The following CRY1 variants were observed in gnomAD, a reference collection of about 807,000 sequenced individuals.
CRY1 encodes cryptochrome-1.
CRY1 carries 45 observed loss-of-function variants against 76.0 expected under a neutral mutation model. The observed-to-expected ratio is 0.59, with a 90% CI of 0.47 to 0.76. The LOEUF is 0.76. Ranked by LOEUF, CRY1 falls within the 30% of genes least tolerant of loss-of-function variation. The pLI, the probability that CRY1 is intolerant of heterozygous loss-of-function variation, is 0.00. For missense variants in CRY1, 587 were observed against 716.4 expected, an observed-to-expected ratio of 0.82 and a Z score of 2.06; for synonymous variants, 248 against 244.0, an observed-to-expected ratio of 1.02 and a Z score of -0.15.
chr12:106,997,240 T>C, intron 10 of CRY1, 54 bp downstream of exon 10: 3 of 1,414,252 alleles, frequency 2.1e-6, no homozygotes, highest in Non-Finnish European at 3.0e-6. Flanking sequence ...AACAAATATA[T>C]TTGTTTAATA....
rs1375803901 is a variant in CRY1, at chr12:107,086,120, T to G, written c.158+6684A>C. ...CCTAGGACTTTGTAAAAGGCTGAACTTAAGAGTAATGACTTAAGCTACCTG... is the reference window on the plus strand; with the variant it reads ...CCTAGGACTTTGTAAAAGGCTGAACGTAAGAGTAATGACTTAAGCTACCTG... On this transcript the variant is annotated intron_variant, in intron 1 of 12. Transcript: ENST00000008527. Among the ~76,000 whole-genome samples, 4 of 152,136 alleles carry G rather than the reference T, an allele frequency of 2.6e-5. No homozygotes were observed. The South Asian group carries it at 8.3e-4, about 32-fold the overall frequency.
intron 1 of CRY1, among the ~76,000 whole-genome samples, chr12:107,074,497 T>C (rs938380331): frequency 7.9e-5 from 12 of 152,202 alleles, no homozygotes; most frequent in Non-Finnish European, 1.5e-4. Context: ...AATTCTCTTT[T>C]TTTTAAATAG....
intron 1 of CRY1, among the ~76,000 whole-genome samples, chr12:107,068,902 T>C (rs933855652): frequency 6.6e-6 from 1 of 152,214 alleles, no homozygotes; most frequent in African/African-American, 2.4e-5. Flanking sequence ...CATGTTGTAG[T>C]ATCTCATTTC....
Position 107,043,647 on chromosome 12 carries a change from C to T in CRY1, c.159-21455G>A, listed in dbSNP as rs550026445. Among the ~76,000 whole-genome samples the T allele has an allele frequency of 2.6e-5, 4 of 152,278 alleles. No individual in the cohort carries two copies. The East Asian group carries it at 5.8e-4, about 22-fold the overall frequency. ...GCTTCTGTGGAGCTGGACTAGCTAC[C>T]TAGAGTGTGAGTTGCTGAGATACCC... On this transcript the variant is annotated intron_variant, in intron 1 of 12. Transcript: ENST00000008527.
chr12:107,051,882 C>A (rs7309954), intron 1 of CRY1, among the ~76,000 whole-genome samples: 1 of 151,768 alleles, frequency 6.6e-6, no homozygotes, highest in Non-Finnish European at 1.5e-5. Flanking sequence ...ATCAGCAGAA[C>A]ATCTACTTGG....
intron 1 of CRY1, chr12:107,043,174 C>G (rs556217862): frequency 3.9e-5 from 6 of 152,240 alleles, no homozygotes; most frequent in African/African-American, 1.4e-4. Context: ...GCCAAGCTTC[C>G]TTTCCTGTGG....
chr12:107,068,371 A>T (rs1234962094), intron 1 of CRY1, among the ~76,000 whole-genome samples: 1 of 152,084 alleles, frequency 6.6e-6, no homozygotes, highest in Non-Finnish European at 1.5e-5. Flanking sequence ...GATCTTGGCT[A>T]ACTGCAACCT....
intron 10 of CRY1, among the ~76,000 whole-genome samples, chr12:106,995,634 C>A (rs1243389144): frequency 6.6e-6 from 1 of 151,952 alleles, no homozygotes; most frequent in African/African-American, 2.4e-5. Flanking sequence ...GTATAGATTT[C>A]TTTTTTCTTT....
At chr12:107,059,109 T>C (rs1188302320) in intron 1 of CRY1, among the ~76,000 whole-genome samples, 1 of 152,194 alleles carries the variant, frequency 6.6e-6, no homozygotes, top group East Asian at 1.9e-4. Flanking sequence ...GTGTTTGGTG[T>C]ATGTAACTAA....
At chr12:107,026,769 GTTT>G (rs66881305) in intron 1 of CRY1, among the ~76,000 whole-genome samples, 67,181 of 134,064 alleles carry the variant, frequency 0.5, 16,745 homozygotes, top group East Asian at 0.7. Context: ...AATAATTCCT[GTTT>G]TTTTTTTTTT....
In CRY1 at chr12:107,044,609, GAC is replaced by G. The variant is rs556238614; in HGVS notation, c.159-22419_159-22418del. Among the ~76,000 whole-genome samples, 34 of 152,206 alleles carry G rather than the reference GAC, an allele frequency of 2.2e-4. 1 individual carries two copies. The East Asian group carries it at 5.8e-3, about 26-fold the overall frequency. ...AGACATCAATGCAGGGACCAATACA[GAC>G]AGACTATTCAATGAAATCAGGAAAA... On this transcript the variant is annotated intron_variant, in intron 1 of 12. Transcript: ENST00000008527.
intron 1 of CRY1, chr12:107,050,240 G>A (rs927162526): frequency 6.6e-6 from 1 of 152,188 alleles, no homozygotes; most frequent in Non-Finnish European, 1.5e-5. Flanking sequence ...GGGAAGTTTG[G>A]AAGAAGGAAG....
intron 1 of CRY1, among the ~76,000 whole-genome samples, chr12:107,046,176 C>G (rs955649863): frequency 5.9e-5 from 9 of 151,524 alleles, no homozygotes; most frequent in Non-Finnish European, 1.3e-4. Flanking sequence ...ACCTGTCATC[C>G]CAGCTACTCG....
intron 1 of CRY1, among the ~76,000 whole-genome samples, chr12:107,048,032 T>C (rs894587579): frequency 6.6e-5 from 10 of 151,938 alleles, no homozygotes; most frequent in African/African-American, 2.4e-4. Flanking sequence ...AGTACTATTA[T>C]AAAATAACTG....
At chr12:107,045,101 A>G (rs954515676) in intron 1 of CRY1, among the ~76,000 whole-genome samples, 1 of 152,134 alleles carries the variant, frequency 6.6e-6, no homozygotes, top group Non-Finnish European at 1.5e-5. Context: ...TTAAAGACAA[A>G]GAGAGAATTC....
chr12:107,011,637 TGA>T (rs1220967603), intron 2 of CRY1, among the ~76,000 whole-genome samples: 1 of 152,136 alleles, frequency 6.6e-6, no homozygotes, highest in Non-Finnish European at 1.5e-5. Flanking sequence ...CTGTGAAGGC[TGA>T]GAGAGGTGAG....
rs545446589 is a variant in CRY1, at chr12:107,022,000, T to C, written c.267+84A>G. 4.0e-5 allele frequency: 42 copies of C among 1,050,756 alleles called. No homozygotes were observed. In the South Asian group the frequency reaches 4.7e-4, roughly 12 times the overall value. 65.1% of individuals were successfully genotyped at this position (1,050,756 alleles called of 1,614,324 possible). On this transcript the variant is annotated intron_variant, in intron 2 of 12. Coordinates refer to ENST00000008527, the MANE Select transcript of CRY1 (RefSeq NM_004075.5). Reference sequence around the variant, plus strand: ...TGAAAATACTTATATTCGCTACATTTTCAATTAGTCAAAAAACTTTATTTA... The same window carrying C: ...TGAAAATACTTATATTCGCTACATTCTCAATTAGTCAAAAAACTTTATTTA...
At chr12:107,018,141 CA>C (rs1267199779) in intron 2 of CRY1, among the ~76,000 whole-genome samples, 1 of 152,116 alleles carries the variant, frequency 6.6e-6, no homozygotes, top group Non-Finnish European at 1.5e-5. Context: ...AAGCAAGATC[CA>C]AAGTAACTTA....
At chr12:107,054,562 C>T (rs1173280656) in intron 1 of CRY1, among the ~76,000 whole-genome samples, 1 of 148,810 alleles carries the variant, frequency 6.7e-6, no homozygotes, top group Admixed American at 6.7e-5. Context: ...TAACGAAAGG[C>T]TTCAATTAAT....
Sources: allele counts gnomAD v4.1 joint callset (sites outside exome capture counted in the v4.1 genomes callset), GRCh38; gene constraint gnomAD v4.1.1; transcripts MANE v1.5; gene names NCBI Gene and HGNC (gene_info 2026-07-23, HGNC 2026-07-21).